The following GNAO1 variants were observed in gnomAD, a reference collection of about 807,000 sequenced individuals.
GNAO1 encodes G protein subunit alpha o1.
For missense variants in GNAO1, 166 were observed against 478.7 expected, an observed-to-expected ratio of 0.35 and a Z score of 6.10; for synonymous variants, 164 against 180.7, an observed-to-expected ratio of 0.91 and a Z score of 0.74.
At chr16:56,232,817 A>G (rs147941967) in intron 2 of GNAO1, among the ~76,000 whole-genome samples, 5 of 152,352 alleles carry the variant, frequency 3.3e-5, no homozygotes, top group African/African-American at 9.6e-5. Context: ...CTAACTTTTT[A>G]CTTCTTATAA....
chr16:56,202,271 G>A (rs1233734181), intron 2 of GNAO1, among the ~76,000 whole-genome samples: 3 of 152,212 alleles, frequency 2.0e-5, no homozygotes, highest in African/African-American at 7.2e-5. Flanking sequence ...CAAGTTGTTG[G>A]TGACCTTGGC....
At chr16:56,286,065 T>A (rs769581959) in intron 3 of GNAO1, among the ~76,000 whole-genome samples, 2 of 152,164 alleles carry the variant, frequency 1.3e-5, no homozygotes, top group Non-Finnish European at 2.9e-5. Flanking sequence ...GAAGGCTGTG[T>A]GGGGTGGGGA....
At chr16:56,268,302 C>A (rs1003790485) in intron 2 of GNAO1, among the ~76,000 whole-genome samples, 1 of 152,248 alleles carries the variant, frequency 6.6e-6, no homozygotes, top group Admixed American at 6.5e-5. Flanking sequence ...TGGCCCTTGG[C>A]AGATGCCACT....
intron 2 of GNAO1, among the ~76,000 whole-genome samples, chr16:56,229,723 T>TA (rs1333971449): frequency 6.6e-6 from 1 of 152,114 alleles, no homozygotes; most frequent in Admixed American, 6.5e-5. Flanking sequence ...TTTCACAGAT[T>TA]AAAAAACAAA....
chr16:56,219,039 C>G (rs1355889929), intron 2 of GNAO1, among the ~76,000 whole-genome samples: 1 of 152,194 alleles, frequency 6.6e-6, no homozygotes, highest in African/African-American at 2.4e-5. Context: ...TCACCACACC[C>G]ACCCCCCAAC....
intron 2 of GNAO1, among the ~76,000 whole-genome samples, chr16:56,202,906 C>A (rs1386229411): frequency 6.6e-6 from 1 of 152,168 alleles, no homozygotes; most frequent in Non-Finnish European, 1.5e-5. Context: ...CAAATCAAGT[C>A]CCAGAGGAAC....
At chr16:56,322,446 G>A (rs76578275) in intron 3 of GNAO1, among the ~76,000 whole-genome samples, 4,774 of 152,254 alleles carry the variant, frequency 0.031, 259 homozygotes, top group African/African-American at 0.11. Context: ...CCTGAGCCCC[G>A]TCCCCCAGAC....
chr16:56,257,428 G>A (rs2036862429), intron 2 of GNAO1, among the ~76,000 whole-genome samples: 1 of 152,150 alleles, frequency 6.6e-6, no homozygotes, highest in Non-Finnish European at 1.5e-5. Context: ...GGCAGCCAAG[G>A]CCACGTGATT....
rs778867051 is a variant in GNAO1 at position 56,328,624 on chromosome 16, C to T, written c.304-7C>T. The T allele has an allele frequency of 6.2e-7, 1 of 1,613,176 alleles. No individual in the cohort carries two copies. The highest frequency in any genetic ancestry group is 1.1e-5 in the South Asian group (1 of 91,062). ...CGTCAAAGCCCACCATCCACCTCTC[C>T]TCACAGGCTGACGCCAAGATGGTGT... On this transcript the variant is annotated splice_region_variant and splice_polypyrimidine_tract_variant and intron_variant, in intron 3 of 8. Coordinates refer to ENST00000262493, the MANE Select transcript of GNAO1 (RefSeq NM_020988.3).
At chr16:56,215,325 C>T in intron 2 of GNAO1, among the ~76,000 whole-genome samples, 1 of 152,228 alleles carries the variant, frequency 6.6e-6, no homozygotes, top group East Asian at 1.9e-4. Flanking sequence ...GTTTCGTAGA[C>T]ACACGAGCAA....
chr16:56,286,695 C>CTGTG (rs57968280), intron 3 of GNAO1, among the ~76,000 whole-genome samples: 280 of 144,998 alleles, frequency 1.9e-3, no homozygotes, highest in African/African-American at 4.1e-3. Context: ...TCTGTCGCCT[C>CTGTG]TGTGTGTGTG....
intron 4 of GNAO1, among the ~76,000 whole-genome samples, chr16:56,330,295 CCCT>C (rs2037676135): frequency 6.6e-6 from 1 of 152,254 alleles, no homozygotes; most frequent in African/African-American, 2.4e-5. Flanking sequence ...CTTTCAGCTG[CCCT>C]CCTCCCTTCT....
chr16:56,249,180 A>G (rs1320490991), intron 2 of GNAO1, among the ~76,000 whole-genome samples: 2 of 152,160 alleles, frequency 1.3e-5, no homozygotes, highest in African/African-American at 2.4e-5. Flanking sequence ...TCAAGGTTGA[A>G]TCCAAGGTTT....
intron 2 of GNAO1, among the ~76,000 whole-genome samples, chr16:56,249,577 G>T (rs2036781067): frequency 6.6e-6 from 1 of 152,150 alleles, no homozygotes; most frequent in African/African-American, 2.4e-5. Flanking sequence ...GGAGCCACTG[G>T]CTGCAAGTAA....
Position 56,351,938 on chromosome 16 carries a change from A to C in GNAO1, c.877+401A>C. On this transcript the variant is annotated intron_variant, in intron 7 of 8. Coordinates refer to ENST00000262493, the MANE Select transcript of GNAO1 (RefSeq NM_020988.3). The surrounding 1 kb of genome is among the most constrained non-coding windows in gnomAD (Gnocchi z 6.1). ...CACAGCACCTTTGCATGAAACCGAA[A>C]AGTGGACACGTGGCCTGTGAACAGG... 1 of 175,960 alleles carries C rather than the reference A, an allele frequency of 5.7e-6. No individual in the cohort carries two copies. Among genetic ancestry groups the C allele is most frequent in the South Asian group, 1.5e-4 (1 of 6,836 alleles). 10.9% of individuals were successfully genotyped at this position (175,960 alleles called of 1,614,324 possible).
chr16:56,219,140 G>A (rs182953644), intron 2 of GNAO1, among the ~76,000 whole-genome samples: 10 of 152,304 alleles, frequency 6.6e-5, no homozygotes, highest in South Asian at 2.1e-4. Context: ...TCAAGGACAC[G>A]TGCCAACGGA....
chr16:56,345,904 G>C, intron 6 of GNAO1: 2 of 985,526 alleles, frequency 2.0e-6, no homozygotes, highest in Non-Finnish European at 2.4e-6. Flanking sequence ...CATCACCCTG[G>C]AGGTGGAAGT....
chr16:56,313,408 T>C (rs1211843292), intron 3 of GNAO1, among the ~76,000 whole-genome samples: 3 of 152,120 alleles, frequency 2.0e-5, no homozygotes, highest in African/African-American at 7.2e-5. Context: ...CATTACACAT[T>C]AATATAAATA....
intron 3 of GNAO1, among the ~76,000 whole-genome samples, chr16:56,313,630 T>A (rs1479922081): frequency 6.6e-6 from 1 of 152,256 alleles, no homozygotes; most frequent in Non-Finnish European, 1.5e-5. Context: ...TACTAGCCTT[T>A]TCAGATAATT....
Sources: gnomAD v4.1 joint callset for allele counts (sites outside exome capture counted in the v4.1 genomes callset) on GRCh38, gnomAD v4.1.1 for gene constraint, Gnocchi (gnomAD v3.1) non-coding constraint, MANE v1.5 for transcripts, NCBI Gene and HGNC (gene_info 2026-07-23, HGNC 2026-07-21) for gene names.